Variants in LARP1 observed in about 807,000 individuals in gnomAD.
LARP1 encodes la-related protein 1.
LARP1 carries 36 observed loss-of-function variants against 122.7 expected under a neutral mutation model. The observed-to-expected ratio is 0.29, with a 90% CI of 0.22 to 0.39. The LOEUF is 0.39. LARP1 is among the 10% of genes least tolerant of loss of function. The pLI is 1.00. For missense variants in LARP1, 1,040 were observed against 1,403.6 expected, an observed-to-expected ratio of 0.74 and a Z score of 4.14; for synonymous variants, 539 against 528.7, an observed-to-expected ratio of 1.02 and a Z score of -0.27.
chr5:154,798,348 T>C (rs1758056144), intron 8 of LARP1, among the ~76,000 whole-genome samples: 1 of 152,236 alleles, frequency 6.6e-6, no homozygotes, highest in Non-Finnish European at 1.5e-5. Context: ...AATGGAAATA[T>C]ACAACACATG....
At chr5:154,722,359 A>G (rs1209640020) in intron 1 of LARP1, among the ~76,000 whole-genome samples, 1 of 152,166 alleles carries the variant, frequency 6.6e-6, no homozygotes, top group Non-Finnish European at 1.5e-5. Flanking sequence ...GAGGAGATTC[A>G]GGAGCCTGGG....
chr5:154,770,377 G>C (rs1205310526), intron 1 of LARP1, among the ~76,000 whole-genome samples: 1 of 152,114 alleles, frequency 6.6e-6, no homozygotes, highest in Non-Finnish European at 1.5e-5. Context: ...GATCAGAAGG[G>C]TAGTTTAGGC....
At position 154,791,633 on chromosome 5, in the gene LARP1, T is replaced by C. The variant is rs527963376; in HGVS notation, c.564+923T>C. Among the ~76,000 whole-genome samples the C allele has an allele frequency of 2.0e-5, 3 of 152,356 alleles. No individual in the cohort carries two copies. The South Asian group carries it at 6.2e-4, about 32-fold the overall frequency. ...TGCCAAGTACAGTTTTCCTGTGTTA[T>C]ACATGGCGGGGCTGGTGGCAGGTGT... is the stretch of plus-strand genomic sequence containing the variant. On this transcript the variant is annotated intron_variant, in intron 3 of 18. Coordinates refer to ENST00000518297, the MANE Select transcript of LARP1 (RefSeq NM_033551.3).
intron 1 of LARP1, chr5:154,705,689 C>T (rs1355679483): frequency 6.6e-6 from 1 of 151,966 alleles, no homozygotes; most frequent in Non-Finnish European, 1.5e-5. Context: ...CCTTGTTCTA[C>T]TCTTTCCCCC....
intron 1 of LARP1, among the ~76,000 whole-genome samples, chr5:154,740,494 AG>A (rs1370916207): frequency 2.0e-5 from 3 of 152,140 alleles, no homozygotes; most frequent in Non-Finnish European, 4.4e-5. Context: ...ATCAATTAAC[AG>A]TTTGTAATTC....
At chr5:154,752,722 T>C (rs1019377386), upstream of LARP1, among the ~76,000 whole-genome samples, 1 of 151,874 alleles carries the variant, frequency 6.6e-6, no homozygotes, top group African/African-American at 2.4e-5. Flanking sequence ...GCAGATCACC[T>C]GAGGTCAGGA....
upstream of LARP1, among the ~76,000 whole-genome samples, chr5:154,752,311 C>T (rs551457060): frequency 7.9e-5 from 12 of 152,072 alleles, no homozygotes; most frequent in South Asian, 2.3e-3. Flanking sequence ...GGGGTGATCT[C>T]GGCTTACTGC....
At chr5:154,708,598 C>T (rs890212542), upstream of LARP1, among the ~76,000 whole-genome samples, 2 of 152,024 alleles carry the variant, frequency 1.3e-5, no homozygotes, top group African/African-American at 2.4e-5. Context: ...TAATTACGTT[C>T]TGCAAAATGT....
At chr5:154,767,290 A>G (rs867879342) in intron 1 of LARP1, among the ~76,000 whole-genome samples, 32 of 152,332 alleles carry the variant, frequency 2.1e-4, no homozygotes, top group South Asian at 1.4e-3. Flanking sequence ...GCACATAGTA[A>G]TACGTGGTAA....
chr5:154,798,556 C>T (rs1167478658), intron 8 of LARP1, among the ~76,000 whole-genome samples: 1 of 152,106 alleles, frequency 6.6e-6, no homozygotes, highest in African/African-American at 2.4e-5. Flanking sequence ...AGGTCTTGCT[C>T]TTTTGCCCAG....
chr5:154,780,475 AGT>A (rs1366924627), intron 1 of LARP1, among the ~76,000 whole-genome samples: 1 of 152,152 alleles, frequency 6.6e-6, no homozygotes, highest in Non-Finnish European at 1.5e-5. Flanking sequence ...TTGGGCACAG[AGT>A]GTATTTTGTT....
rs189650986 is a variant in LARP1 at position 154,779,024 on chromosome 5, C to T, written c.437-11301C>T. Among the ~76,000 whole-genome samples the T allele has an allele frequency of 2.4e-4, 36 of 150,648 alleles. No individual in the cohort carries two copies. The Middle Eastern group carries it at 0.01, about 44-fold the overall frequency. The stretch of plus-strand genomic sequence containing the variant: ...AAATCTGGCAACCATATTCTCTCCC[C>T]GCTTACCCCACCTTTTTTTGGGCAC... On this transcript the variant is annotated intron_variant, in intron 1 of 18. Transcript: ENST00000518297.
intron 1 of LARP1, among the ~76,000 whole-genome samples, chr5:154,770,547 G>A (rs187027738): frequency 9.2e-5 from 14 of 152,216 alleles, no homozygotes; most frequent in Non-Finnish European, 1.5e-4. Flanking sequence ...GAGGGTATGA[G>A]AGAATAGCCT....
chr5:154,739,256 G>A (rs1348824011), intron 1 of LARP1, among the ~76,000 whole-genome samples: 1 of 151,986 alleles, frequency 6.6e-6, no homozygotes, highest in African/African-American at 2.4e-5. Flanking sequence ...TCCTGACCTC[G>A]TGATCCGCCC....
intron 1 of LARP1, chr5:154,713,207 G>T: frequency 8.0e-7 from 1 of 1,256,130 alleles, no homozygotes; most frequent in Non-Finnish European, 1.1e-6. Flanking sequence ...CCTAGGGGCA[G>T]AAACCTTGGG....
intron 1 of LARP1, among the ~76,000 whole-genome samples, chr5:154,691,979 G>A (rs1003268545): frequency 6.6e-6 from 1 of 151,960 alleles, no homozygotes; most frequent in African/African-American, 2.4e-5. Context: ...TAGCAGAGAC[G>A]GGGTTTCACC....
intron 1 of LARP1, among the ~76,000 whole-genome samples, chr5:154,782,393 G>T (rs1324263190): frequency 6.6e-6 from 1 of 152,178 alleles, no homozygotes; most frequent in South Asian, 2.1e-4. Flanking sequence ...AGATTTCAGG[G>T]ACTGGTACCA....
chr5:154,774,562 G>A (rs931783959), intron 1 of LARP1, among the ~76,000 whole-genome samples: 2 of 152,180 alleles, frequency 1.3e-5, no homozygotes, highest in Non-Finnish European at 2.9e-5. Flanking sequence ...TGGATATAAC[G>A]GGTTGGTACT....
At chr5:154,685,983 A>G in intron 1 of LARP1, 1 of 466,106 alleles carries the variant, frequency 2.1e-6, no homozygotes, top group Non-Finnish European at 4.1e-6. Flanking sequence ...AACTTTCTTA[A>G]CCCCATAAAA....
Sources: gnomAD v4.1 joint callset for allele counts (sites outside exome capture counted in the v4.1 genomes callset) on GRCh38, gnomAD v4.1.1 for gene constraint, MANE v1.5 for transcripts, NCBI Gene and HGNC (gene_info 2026-07-23, HGNC 2026-07-21) for gene names.